Variants in PACS2 observed in about 807,000 individuals in gnomAD.
The protein encoded by PACS2 is PACS1-like protein.
Under a neutral mutation model 113.0 loss-of-function variants are expected in PACS2, and 36 were observed. The observed-to-expected ratio is 0.32, with a 90% CI of 0.24 to 0.42. PACS2 has a LOEUF of 0.42. PACS2 is among the 10% of genes least tolerant of loss of function. PACS2 has a pLI of 1.00. For missense variants in PACS2, 1,015 were observed against 1,239.5 expected, an observed-to-expected ratio of 0.82 and a Z score of 2.72; for synonymous variants, 589 against 536.1, an observed-to-expected ratio of 1.10 and a Z score of -1.36.
At chr14:105,336,817 C>T (rs1247448023) in intron 1 of PACS2, among the ~76,000 whole-genome samples, 2 of 152,214 alleles carry the variant, frequency 1.3e-5, no homozygotes, top group Non-Finnish European at 2.9e-5. Flanking sequence ...AACAGGACGG[C>T]AGCCCCTCGG....
chr14:105,338,308 C>T (rs2059601615), intron 1 of PACS2, among the ~76,000 whole-genome samples: 1 of 152,204 alleles, frequency 6.6e-6, no homozygotes, highest in Non-Finnish European at 1.5e-5. Flanking sequence ...AGTCAGGTTT[C>T]TCTGACCTTC....
Position 105,395,925 on chromosome 14 carries a change from G to A in PACS2, c.*1253G>A, listed in dbSNP as rs2081516431. The A allele has an allele frequency of 6.6e-6, 1 of 152,250 alleles. No homozygotes were observed. The highest frequency in any genetic ancestry group is 2.4e-5 in the African/African-American group (1 of 41,436). 9.4% of individuals were successfully genotyped at this position (152,250 alleles called of 1,614,324 possible). A position where few individuals can be genotyped will look rare whatever the true frequency, so the allele number is the denominator to read the frequency against. The stretch of plus-strand genomic sequence containing the variant: ...TGGGGCCCTCCCAGGGGTCCTGATC[G>A]ACCCTGGGGGCTCTTGGCCTGGTTT... On this transcript the variant is annotated 3_prime_UTR_variant, in exon 25 of 25. Coordinates refer to ENST00000447393, the MANE Select transcript of PACS2 (RefSeq NM_001100913.3).
Position 105,394,838 on chromosome 14 carries a change from C to T in PACS2, c.*166C>T. The T allele has an allele frequency of 1.6e-6, 1 of 612,442 alleles. No homozygotes were observed. 37.9% of individuals were successfully genotyped at this position (612,442 alleles called of 1,614,324 possible). The stretch of plus-strand genomic sequence containing the variant: ...TGGAAACTAACGGGGGAGCTCCTGC[C>T]AGGAGCCGAATAACTGCTCTGCTTA... On this transcript the variant is annotated 3_prime_UTR_variant, in exon 25 of 25. Transcript: ENST00000447393.
chr14:105,368,649 G>A, intron 7 of PACS2, 110 bp downstream of exon 7: 2 of 821,436 alleles, frequency 2.4e-6, no homozygotes, highest in South Asian at 2.9e-5. Flanking sequence ...CTCACCCCAG[G>A]TCACAGCAGC....
chr14:105,386,713 G>A (rs1341235073), intron 19 of PACS2, among the ~76,000 whole-genome samples: 1 of 152,084 alleles, frequency 6.6e-6, no homozygotes, highest in Non-Finnish European at 1.5e-5. Flanking sequence ...CCCCCTTGCT[G>A]GCCTAGGAGC....
intron 23 of PACS2, 58 bp downstream of exon 23, chr14:105,392,903 G>A: frequency 7.3e-7 from 1 of 1,378,938 alleles, no homozygotes; most frequent in South Asian, 1.2e-5. Context: ...TGTGGGAGAG[G>A]GCGGCTCGCA....
In PACS2 at chr14:105,352,310, G is replaced by A. The variant is rs782671366; in HGVS notation, c.208-68G>A. ...GCCAGTTTTAGAGTGCAGGAGTCAC[G>A]GTGTCTTTGCCTGGTTTCCTGCTGA... On this transcript the variant is annotated intron_variant, in intron 2 of 24. Coordinates refer to ENST00000447393, the MANE Select transcript of PACS2 (RefSeq NM_001100913.3). The A allele has an allele frequency of 4.1e-4, 407 of 989,440 alleles. 1 individual carries two copies. Among genetic ancestry groups the A allele is most frequent in the Non-Finnish European group, 5.8e-4 (359 of 613,876 alleles). 61.3% of individuals were successfully genotyped at this position (989,440 alleles called of 1,614,324 possible).
intron 17 of PACS2, among the ~76,000 whole-genome samples, 191 bp from the exon 18 acceptor site, chr14:105,384,688 C>A (rs1254142222): frequency 6.6e-6 from 1 of 152,204 alleles, no homozygotes; most frequent in Non-Finnish European, 1.5e-5. Context: ...CACAGCCCTT[C>A]AGGTCTTCCC....
At chr14:105,386,649 T>C (rs1303810797) in intron 19 of PACS2, among the ~76,000 whole-genome samples, 1 of 151,954 alleles carries the variant, frequency 6.6e-6, no homozygotes, top group Admixed American at 6.5e-5. Flanking sequence ...TTTGCTGTCC[T>C]AGGAAACCCC....
chr14:105,303,784 C>T (rs762131049), intron 1 of PACS2, among the ~76,000 whole-genome samples: 13 of 152,154 alleles, frequency 8.5e-5, no homozygotes, highest in Non-Finnish European at 1.6e-4. Flanking sequence ...GGGGATTTTT[C>T]AAATATGTAT....
At chr14:105,319,914 TAA>T (rs376691967) in intron 1 of PACS2, among the ~76,000 whole-genome samples, 43 of 152,360 alleles carry the variant, frequency 2.8e-4, no homozygotes, top group African/African-American at 1.0e-3. Flanking sequence ...GTACTTTCAT[TAA>T]GAGGATTATA....
chr14:105,316,561 C>T (rs1176488533), intron 1 of PACS2, among the ~76,000 whole-genome samples: 1 of 152,210 alleles, frequency 6.6e-6, no homozygotes, highest in Non-Finnish European at 1.5e-5. Context: ...TCCTGGGGCC[C>T]TCCGAATGAG....
chr14:105,336,313 C>G (rs951846146), intron 1 of PACS2: 2 of 152,386 alleles, frequency 1.3e-5, no homozygotes, highest in Admixed American at 6.5e-5. Context: ...TCTCAGAAAT[C>G]CGTGAAGTGC....
intron 4 of PACS2, among the ~76,000 whole-genome samples, chr14:105,361,707 T>C (rs1555406499): frequency 1.3e-5 from 2 of 152,062 alleles, no homozygotes; most frequent in African/African-American, 4.8e-5. Flanking sequence ...CCCAGCACTT[T>C]GGGAGGCCAA....
rs374134230 is a variant in PACS2, at chr14:105,356,240, C to T, written c.423+1063C>T. Among the ~76,000 whole-genome samples, 9 of 152,178 alleles carry T rather than the reference C, an allele frequency of 5.9e-5. No homozygotes were observed. Among genetic ancestry groups the T allele is most frequent in the African/African-American group, 2.2e-4 (9 of 41,438 alleles). ...GGTCCCCCAGATCCTCACACACCCC[C>T]ACTTACGCATCCAGGACAAGTGCCA... On this transcript the variant is annotated intron_variant, in intron 4 of 24. Transcript: ENST00000447393. The surrounding 1 kb of genome is among the most constrained non-coding windows in gnomAD (Gnocchi z 4.0).
intron 19 of PACS2, 112 bp from the exon 20 acceptor site, chr14:105,389,849 G>A (rs895286651): frequency 5.2e-6 from 5 of 954,030 alleles, no homozygotes; most frequent in Non-Finnish European, 8.6e-6. Flanking sequence ...GGGCCATCCG[G>A]CAGGGCCGCG....
At chr14:105,372,233 CAGCTTCAGCT>C (rs2061181506) in intron 8 of PACS2, 1 of 152,280 alleles carries the variant, frequency 6.6e-6, no homozygotes, top group Non-Finnish European at 1.5e-5. Context: ...TTACAGCCCT[CAGCTTCAGCT>C]CACAGCGAAA....
chr14:105,332,677 C>G (rs2059349516), intron 1 of PACS2, among the ~76,000 whole-genome samples: 1 of 152,186 alleles, frequency 6.6e-6, no homozygotes, highest in South Asian at 2.1e-4. Flanking sequence ...GGGCCTCTGC[C>G]TGGTCCTCTC....
At chr14:105,321,927 C>T (rs1490863951) in intron 1 of PACS2, among the ~76,000 whole-genome samples, 1 of 151,280 alleles carries the variant, frequency 6.6e-6, no homozygotes, top group African/African-American at 2.4e-5. Context: ...CATTTTCATT[C>T]ACTCTGACCT....
Sources: allele counts gnomAD v4.1 joint callset (sites outside exome capture counted in the v4.1 genomes callset), GRCh38; gene constraint gnomAD v4.1.1; non-coding constraint Gnocchi (gnomAD v3.1); transcripts MANE v1.5; gene names NCBI Gene and HGNC (gene_info 2026-07-23, HGNC 2026-07-21).